The following SLC6A2 variants were observed in gnomAD, a reference collection of about 807,000 sequenced individuals.
The protein encoded by SLC6A2 is solute carrier family 6 member 2.
A neutral mutation model predicts 71.7 loss-of-function variants in SLC6A2; 26 were observed. The ratio of observed to expected loss-of-function variants is 0.36; its 90% confidence interval spans 0.27 to 0.50. SLC6A2 has a LOEUF of 0.50. Ranked by LOEUF, SLC6A2 falls within the 20% of genes least tolerant of loss-of-function variation. SLC6A2 has a pLI of 0.96. For synonymous variants in SLC6A2, 363 were observed against 337.9 expected, an observed-to-expected ratio of 1.07 and a Z score of -0.82; for missense variants, 581 against 803.9, an observed-to-expected ratio of 0.72 and a Z score of 3.35.
chr16:55,698,997 G>A (rs1380477478), intron 11 of SLC6A2, among the ~76,000 whole-genome samples: 5 of 152,090 alleles, frequency 3.3e-5, no homozygotes, highest in African/African-American at 1.2e-4. Flanking sequence ...AACTTAACTG[G>A]GTATCTTGTA....
chr16:55,661,536 T>C (rs1338143640), intron 2 of SLC6A2, among the ~76,000 whole-genome samples: 1 of 152,202 alleles, frequency 6.6e-6, no homozygotes, highest in African/African-American at 2.4e-5. Context: ...TTCAATGATA[T>C]TAACTGCATG....
chr16:55,698,128 A>C, intron 10 of SLC6A2, 103 bp downstream of exon 10: 1 of 1,281,476 alleles, frequency 7.8e-7, no homozygotes, highest in South Asian at 1.2e-5. Flanking sequence ...CTCAGGGAGA[A>C]CAATGCAGGA....
intron 4 of SLC6A2, among the ~76,000 whole-genome samples, chr16:55,682,872 C>A (rs1019712048): frequency 1.3e-5 from 2 of 152,162 alleles, no homozygotes; most frequent in Middle Eastern, 3.2e-3. Context: ...CTTGAACCTC[C>A]CAACATGTGT....
intron 4 of SLC6A2, among the ~76,000 whole-genome samples, chr16:55,681,861 C>G (rs1248549156): frequency 6.6e-6 from 1 of 152,142 alleles, no homozygotes; most frequent in East Asian, 1.9e-4. Context: ...CAGGGAAGGA[C>G]GATATATTAA....
chr16:55,698,114 T>G, intron 10 of SLC6A2, 89 bp downstream of exon 10: 1 of 1,428,192 alleles, frequency 7.0e-7, no homozygotes. Context: ...GAACTGGGGC[T>G]GAGCTCAGGG....
intron 4 of SLC6A2, among the ~76,000 whole-genome samples, chr16:55,680,673 A>G (rs2142543108): frequency 6.6e-6 from 1 of 152,278 alleles, no homozygotes; most frequent in South Asian, 2.1e-4. Context: ...CACACCCAGG[A>G]ACAGTACTTT....
In SLC6A2 at chr16:55,656,561, C is replaced by G; in HGVS notation, c.-51-83C>G. ...GCTCAGCGCGCGCTCATCCCAGTGT[C>G]TAAGGCGCTCCCGGGTGGTCTTGGG... is the stretch of plus-strand genomic sequence containing the variant. On this transcript the variant is annotated intron_variant, in intron 1 of 14. Coordinates refer to ENST00000568943, the MANE Select transcript of SLC6A2 (RefSeq NM_001172501.3). This position sits in a 1 kb window ranked among gnomAD's most constrained non-coding sequence, Gnocchi z 4.5. 1 of 1,150,722 alleles carries G rather than the reference C, an allele frequency of 8.7e-7. No individual in the cohort carries two copies. The highest frequency in any genetic ancestry group is 1.3e-6 in the Non-Finnish European group (1 of 773,396). The allele number at this position is 1,150,722 out of a possible 1,614,324, so 71.3% of individuals were successfully genotyped here.
rs77141663 is a variant in SLC6A2, at chr16:55,703,926, C to T, written c.*1580C>T. The T allele has an allele frequency of 6.3e-3, 2,523 of 397,768 alleles. 80 individuals are homozygous for T. Among genetic ancestry groups the T allele is most frequent in the African/African-American group, 0.052 (2,362 of 45,602 alleles). 24.6% of individuals were successfully genotyped at this position (397,768 alleles called of 1,614,324 possible). On this transcript the variant is annotated 3_prime_UTR_variant, in exon 15 of 15. Coordinates refer to ENST00000568943, the MANE Select transcript of SLC6A2 (RefSeq NM_001172501.3). ...GAGGTTTCCTTGCTGGGTCGGGGTC[C>T]TCAGGTCATTCTATAGATAAAAGAG... is the stretch of plus-strand genomic sequence containing the variant.
intron 4 of SLC6A2, among the ~76,000 whole-genome samples, chr16:55,673,613 G>C (rs55814537): frequency 0.049 from 7,494 of 152,192 alleles, 353 homozygotes; most frequent in African/African-American, 0.13. Context: ...CCACGCTGGA[G>C]TGCAGTGGCA....
At chr16:55,698,124 G>A in intron 10 of SLC6A2, 99 bp downstream of exon 10, 1 of 1,333,706 alleles carries the variant, frequency 7.5e-7, no homozygotes. Flanking sequence ...TGAGCTCAGG[G>A]AGAACAATGC....
intron 5 of SLC6A2, among the ~76,000 whole-genome samples, chr16:55,689,871 C>T (rs1468015070): frequency 6.6e-6 from 1 of 152,168 alleles, no homozygotes; most frequent in African/African-American, 2.4e-5. Flanking sequence ...GATGGAGAAA[C>T]AAGTGGATAA....
intron 2 of SLC6A2, 100 bp downstream of exon 2, chr16:55,657,068 A>G (rs1295168109): frequency 2.2e-6 from 3 of 1,337,078 alleles, no homozygotes; most frequent in Non-Finnish European, 3.1e-6. Flanking sequence ...GGAGGCGAGG[A>G]GACAGGGGCA....
intron 7 of SLC6A2, 40 bp downstream of exon 7, chr16:55,694,153 G>A: frequency 7.3e-7 from 1 of 1,368,022 alleles, no homozygotes. Flanking sequence ...TCTAAATCCT[G>A]GGGATTGACT....
chr16:55,656,752 G>T lies in SLC6A2; in HGVS notation c.58G>T (p.Gly20Cys). The change falls in exon 2 of 15, where the codon GGT (glycine) becomes TGT (cysteine). Residue 20 changes from glycine (G) to cysteine (C), a missense_variant. Around this residue, in one of 5 missense-constraint regions of SLC6A2, gnomAD observed 76 missense variants for 79.9 expected, o/e 0.95. Coordinates refer to ENST00000568943, the MANE Select transcript of SLC6A2 (RefSeq NM_001172501.3). The surrounding 1 kb of genome is among the most constrained non-coding windows in gnomAD (Gnocchi z 4.5). ...GCCCGAGAACAACGGGGCGGACACGGGTCCAGAGCAGCCCCTTCGGGCGCG... is the reference window on the plus strand; with the variant it reads ...GCCCGAGAACAACGGGGCGGACACGTGTCCAGAGCAGCCCCTTCGGGCGCG... ...VQPENNGADT[G>C]PEQPLRARKT... 6.2e-7 allele frequency: 1 copy of T among 1,613,158 alleles called. No individual in the cohort carries two copies. The highest frequency in any genetic ancestry group is 8.5e-7 in the Non-Finnish European group (1 of 1,179,912).
rs1456610284 is a variant in SLC6A2 at position 55,702,338 on chromosome 16, G to A, written c.1846G>A (p.Ala616Thr). ...TTCTCTGCAGTTGCAACACTGGCTG[G>A]CCATCTGAGCCTGCCTGGAGGAGAA... ...IRQFQLQHWL[A>T]I The change falls in exon 15 of 15, where the codon GCC (alanine) becomes ACC (threonine). Residue 616 changes from alanine to threonine, a missense_variant. By Grantham distance (58) the Ala-to-Thr change is moderately conservative. Transcript: ENST00000568943. 7.4e-6 allele frequency: 12 copies of A among 1,614,054 alleles called. No individual in the cohort carries two copies. Among genetic ancestry groups the A allele is most frequent in the Non-Finnish European group, 9.3e-6 (11 of 1,180,040 alleles).
intron 4 of SLC6A2, among the ~76,000 whole-genome samples, chr16:55,673,598 G>A (rs1467221536): frequency 6.6e-6 from 1 of 151,980 alleles, no homozygotes; most frequent in Non-Finnish European, 1.5e-5. Flanking sequence ...GTCTCGGTCT[G>A]TTGCCCACGC....
At chr16:55,684,671 G>A (rs1379068988) in intron 4 of SLC6A2, among the ~76,000 whole-genome samples, 4 of 152,154 alleles carry the variant, frequency 2.6e-5, no homozygotes, top group Non-Finnish European at 4.4e-5. Context: ...AGCACCCATA[G>A]TCTCTATGCC....
chr16:55,659,490 A>T (rs1457834643), intron 2 of SLC6A2, among the ~76,000 whole-genome samples: 1 of 152,170 alleles, frequency 6.6e-6, no homozygotes, highest in African/African-American at 2.4e-5. Flanking sequence ...TTGCTATCTC[A>T]AAACACAGCT....
chr16:55,688,074 T>A (rs1317297945), intron 5 of SLC6A2, among the ~76,000 whole-genome samples: 1 of 152,216 alleles, frequency 6.6e-6, no homozygotes, highest in Non-Finnish European at 1.5e-5. Context: ...AGGCAGTCCA[T>A]GGAGAGGAGA....
Sources: gnomAD v4.1 joint callset for allele counts (sites outside exome capture counted in the v4.1 genomes callset) on GRCh38, gnomAD v4.1.1 for gene constraint, gnomAD v4.1.1 regional missense constraint, Gnocchi (gnomAD v3.1) non-coding constraint, MANE v1.5 for transcripts, NCBI Gene and HGNC (gene_info 2026-07-23, HGNC 2026-07-21) for gene names.